AMN: variants seen among roughly 807,000 people sequenced by gnomAD.
The protein encoded by AMN is amnion associated transmembrane protein.
In AMN, 40 loss-of-function variants were observed where a neutral mutation model predicts 49.1. The ratio of observed to expected loss-of-function variants is 0.81; its 90% CI spans 0.63 to 1.06. The LOEUF (loss-of-function observed/expected upper bound fraction) is 1.06. Among genes scored for constraint, AMN ranks in the 50% least tolerant of loss-of-function variants. AMN has a pLI of 0.00. For missense variants in AMN, 701 were observed against 662.8 expected, an observed-to-expected ratio of 1.06 and a Z score of -0.63; for synonymous variants, 380 against 313.3, an observed-to-expected ratio of 1.21 and a Z score of -2.25.
At position 102,930,579 on chromosome 14, in the gene AMN, C is replaced by A. The variant is rs1167782386; in HGVS notation, c.1261C>A (p.Leu421Met). The part of the protein sequence containing the change: ...FDVTASEELP[L>M]PRRLSLVPKA... ...GCCTGACCCTGTCACCCCGCAGCCC[C>A]TGCCGCGGCGGCTCAGCCTGGTTCC... The change falls in exon 12 of 12, where the codon CTG (leucine) becomes ATG (methionine). Residue 421 changes from leucine to methionine, a missense_variant. By Grantham distance (15) the Leu-to-Met change is conservative (BLOSUM62 2). Coordinates refer to ENST00000299155, the MANE Select transcript of AMN (RefSeq NM_030943.4). 2 of 1,576,210 alleles carry A rather than the reference C, an allele frequency of 1.3e-6. No individual in the cohort carries two copies. The highest frequency in any genetic ancestry group is 1.7e-6 in the Non-Finnish European group (2 of 1,162,766).
intron 3 of AMN, among the ~76,000 whole-genome samples, chr14:102,926,312 G>C (rs983809552): frequency 6.6e-6 from 1 of 152,192 alleles, no homozygotes; most frequent in Admixed American, 6.5e-5. Context: ...AGTGAACCCA[G>C]CTTCCAGCAT....
intron 1 of AMN, chr14:102,923,332 A>C: frequency 3.2e-6 from 1 of 317,220 alleles, no homozygotes; most frequent in Non-Finnish European, 6.1e-6. Context: ...AGCCTTCCTG[A>C]TTCCAAGGCC....
intron 3 of AMN, among the ~76,000 whole-genome samples, chr14:102,927,753 C>T (rs978393529): frequency 1.4e-4 from 21 of 152,198 alleles, no homozygotes; most frequent in Admixed American, 3.9e-4. Context: ...GAGGTCCTGG[C>T]ACTTGGAGGA....
At chr14:102,923,676 A>G in intron 1 of AMN, 35 bp from the exon 2 acceptor site, 1 of 1,564,074 alleles carries the variant, frequency 6.4e-7, no homozygotes, top group Non-Finnish European at 8.8e-7. Context: ...AGCATCCCGG[A>G]GAGCATCCCG....
At chr14:102,924,773 G>A (rs1439313129) in intron 3 of AMN, among the ~76,000 whole-genome samples, 3 of 152,142 alleles carry the variant, frequency 2.0e-5, no homozygotes, top group East Asian at 1.9e-4. Context: ...GCTTCATCAC[G>A]TATTAAAGGC....
chr14:102,928,876 C>T lies in AMN; in HGVS notation c.414C>T (p.Arg138=), dbSNP rs1801476804. The change falls in exon 5 of 12, where the codon CGC becomes CGT. Residue 138 remains arginine (R), a synonymous_variant. Transcript: ENST00000299155. ...TGGACGCCGAGCGCGTGCCCTGCCG[C>T]CACGACGACGTCTTCTTTCCGCCTA... ...FFVDAERVPC[R]HDDVFFPPSA... The T allele has an allele frequency of 8.1e-6, 13 of 1,604,204 alleles. No individual in the cohort carries two copies. Among genetic ancestry groups the T allele is most frequent in the Non-Finnish European group, 1.1e-5 (13 of 1,179,826 alleles).
Position 102,930,660 on chromosome 14 carries a change from G to GGGGCCC in AMN, c.1347_1348insCGGGCC (p.Ala449_Glu450insArgAla). The GGGGCCC allele has an allele frequency of 6.3e-7, 1 of 1,594,912 alleles. No individual in the cohort carries two copies. Among genetic ancestry groups the GGGGCCC allele is most frequent in the South Asian group, 1.1e-5 (1 of 88,218 alleles). On this transcript the variant is annotated inframe_insertion, in exon 12 of 12. Coordinates refer to ENST00000299155, the MANE Select transcript of AMN (RefSeq NM_030943.4). ...TTACTTCGTCAACCCTCTGTTCGCC[G>GGGGCCC]GGGCCGAGGCCGAGGCCTGAGCGGC...
intron 1 of AMN, chr14:102,923,297 C>T (rs952114697): frequency 1.0e-5 from 3 of 299,916 alleles, no homozygotes; most frequent in Non-Finnish European, 1.3e-5. Flanking sequence ...CAGCTCTTCC[C>T]GGCCCAGGTA....
intron 3 of AMN, among the ~76,000 whole-genome samples, chr14:102,926,555 TACC>T (rs1312948881): frequency 1.3e-5 from 2 of 151,420 alleles, no homozygotes; most frequent in Non-Finnish European, 1.5e-5. Flanking sequence ...AGGTAACAAC[TACC>T]ACCACCACCA....
intron 1 of AMN, 86 bp from the exon 2 acceptor site, chr14:102,923,625 C>T (rs1595430266): frequency 5.7e-6 from 7 of 1,232,974 alleles, no homozygotes; most frequent in Non-Finnish European, 8.4e-6. Flanking sequence ...CCGCGCGGAC[C>T]TTCCGCACTT....
intron 5 of AMN, 66 bp downstream of exon 5, chr14:102,929,041 G>A: frequency 6.3e-7 from 1 of 1,596,002 alleles, no homozygotes; most frequent in Non-Finnish European, 8.5e-7. Context: ...CGCCCCTCCT[G>A]GTCTGCACAC....
chr14:102,926,643 G>C (rs1891195031), intron 3 of AMN, among the ~76,000 whole-genome samples: 2 of 147,500 alleles, frequency 1.4e-5, no homozygotes, highest in Admixed American at 1.4e-4. Context: ...CTGGAGTGCA[G>C]TGGTGTGATC....
chr14:102,928,626 T>A (rs1891245002), intron 4 of AMN, 113 bp downstream of exon 4: 4 of 1,478,994 alleles, frequency 2.7e-6, no homozygotes, highest in Admixed American at 3.9e-5. Context: ...TCCGGGGGCG[T>A]GGTTTAGGGA....
intron 3 of AMN, among the ~76,000 whole-genome samples, chr14:102,924,505 G>T (rs1891144812): frequency 6.6e-6 from 1 of 152,224 alleles, no homozygotes; most frequent in African/African-American, 2.4e-5. Context: ...GCCTGGGTGG[G>T]TGTGCACTCC....
chr14:102,930,562 C>G lies in AMN; in HGVS notation c.1258-14C>G, dbSNP rs767004707. ...ACTCGGCGCCGACCGCCGCCTGACCCTGTCACCCCGCAGCCCCTGCCGCGG... is the reference window on the plus strand; with the variant it reads ...ACTCGGCGCCGACCGCCGCCTGACCGTGTCACCCCGCAGCCCCTGCCGCGG... On this transcript the variant is annotated splice_polypyrimidine_tract_variant and intron_variant, in intron 11 of 11. Coordinates refer to ENST00000299155, the MANE Select transcript of AMN (RefSeq NM_030943.4). 187 of 1,562,172 alleles carry G rather than the reference C, an allele frequency of 1.2e-4. 1 individual carries two copies. The South Asian group carries it at 2.2e-3, about 18-fold the overall frequency.
intron 3 of AMN, among the ~76,000 whole-genome samples, chr14:102,927,195 T>TAA (rs1372966320): frequency 1.3e-5 from 2 of 152,150 alleles, no homozygotes; most frequent in African/African-American, 4.8e-5. Flanking sequence ...CTCCTGGCCT[T>TAA]AAGTTTGGTT....
chr14:102,923,422 G>GC (rs966428513), intron 1 of AMN: 50 of 454,914 alleles, frequency 1.1e-4, no homozygotes, highest in African/African-American at 9.8e-4. Context: ...CTGCTCCAGC[G>GC]CCAGGCAAAC....
In AMN at chr14:102,930,290, G is replaced by C. The variant is rs1427497807; in HGVS notation, c.1132G>C (p.Val378Leu). 2.2e-5 allele frequency: 30 copies of C among 1,373,926 alleles called. No homozygotes were observed. Among genetic ancestry groups the C allele is most frequent in the East Asian group, 1.3e-4 (4 of 31,972 alleles). 85.1% of individuals were successfully genotyped at this position (1,373,926 alleles called of 1,614,324 possible). Residue 378 changes from valine (V) to leucine (L), a missense_variant, in exon 10 of 12, where the codon GTG becomes CTG. Val to Leu is a conservative substitution (Grantham distance 32). Coordinates refer to ENST00000299155, the MANE Select transcript of AMN (RefSeq NM_030943.4). ...GCTGCTGGCGCTGCTGGTCCTGCTG[G>C]TGGCGCCGCCGCTGCTGCGCCGCGC... ...AVLLALLVLL[V>L]APPLLRRAGR...
intron 3 of AMN, among the ~76,000 whole-genome samples, chr14:102,925,061 A>C (rs1595431176): frequency 1.3e-5 from 2 of 152,354 alleles, no homozygotes; most frequent in South Asian, 4.1e-4. Context: ...ACCAGCTTCC[A>C]GGGTGACTGT....
Sources: allele counts gnomAD v4.1 joint callset (sites outside exome capture counted in the v4.1 genomes callset), GRCh38; gene constraint gnomAD v4.1.1; transcripts MANE v1.5; gene names NCBI Gene and HGNC (gene_info 2026-07-23, HGNC 2026-07-21).